Variants in ACCSL observed in about 807,000 individuals in gnomAD.
The protein encoded by ACCSL is 1-aminocyclopropane-1-carboxylate synthase homolog (inactive) like.
In ACCSL, 55 loss-of-function variants were observed where a neutral mutation model predicts 61.7. That is an observed-to-expected ratio of 0.89 (90% CI 0.72 to 1.12). The LOEUF (loss-of-function observed/expected upper bound fraction) is 1.12. ACCSL is among the 50% of genes most tolerant of loss of function. The pLI, the probability that ACCSL is intolerant of heterozygous loss-of-function variation, is 0.00. For synonymous variants in ACCSL, 258 were observed against 264.3 expected, an observed-to-expected ratio of 0.98 and a Z score of 0.23; for missense variants, 632 against 698.0, an observed-to-expected ratio of 0.91 and a Z score of 1.07.
At chr11:43,985,093 G>A in the ACCSL span, among the ~76,000 whole-genome samples, 1 of 152,214 alleles carries the variant, frequency 6.6e-6, no homozygotes, top group South Asian at 2.1e-4. Context: ...GAGAGGCAGG[G>A]TGGCAGGAGA....
the ACCSL span, among the ~76,000 whole-genome samples, chr11:44,029,551 C>T: frequency 6.6e-6 from 1 of 152,208 alleles, no homozygotes; most frequent in African/African-American, 2.4e-5. Flanking sequence ...GCAGCTCATG[C>T]AGTGAGGTGG....
intron 5 of ACCSL, among the ~76,000 whole-genome samples, chr11:44,051,991 G>A (rs1202826676): frequency 2.6e-5 from 4 of 152,192 alleles, no homozygotes; most frequent in Admixed American, 1.3e-4. Flanking sequence ...GTTCATGGCT[G>A]GGCTTTTGGG....
At chr11:43,952,611 G>A in the ACCSL span, among the ~76,000 whole-genome samples, 3 of 152,034 alleles carry the variant, frequency 2.0e-5, no homozygotes, top group Non-Finnish European at 2.9e-5. Context: ...GTCACATACC[G>A]CCTGCTTGCT....
chr11:44,018,147 G>A, the ACCSL span, among the ~76,000 whole-genome samples: 24 of 151,962 alleles, frequency 1.6e-4, no homozygotes, highest in African/African-American at 5.6e-4. Flanking sequence ...AGCCCCAGTG[G>A]GGGAAGGAAC....
the ACCSL span, among the ~76,000 whole-genome samples, chr11:44,011,404 C>T: frequency 6.6e-5 from 10 of 152,168 alleles, no homozygotes; most frequent in Admixed American, 3.9e-4. Flanking sequence ...GGAGGGACTG[C>T]GTCTGTTTTT....
the ACCSL span, among the ~76,000 whole-genome samples, chr11:43,935,870 C>A: frequency 5.3e-5 from 8 of 152,134 alleles, no homozygotes; most frequent in East Asian, 1.5e-3. Flanking sequence ...TCCTACATCC[C>A]TTTTAAGGGC....
chr11:44,015,557 T>C, the ACCSL span, among the ~76,000 whole-genome samples: 1 of 152,156 alleles, frequency 6.6e-6, no homozygotes, highest in Non-Finnish European at 1.5e-5. Context: ...AGAAGCAACT[T>C]TACTCCTTGA....
rs750068165 is a variant in ACCSL at position 44,058,577 on chromosome 11, G to A, written c.1502G>A (p.Arg501Gln). Residue 501 changes from arginine to glutamine, a missense_variant, in exon 13 of 14, where the codon CGG (arginine) becomes CAG (glutamine). By Grantham distance (43) the Arg-to-Gln change is conservative. Coordinates refer to ENST00000378832, the MANE Select transcript of ACCSL (RefSeq NM_001031854.2). ...YLDPCTFEEERLLYCRFLDNK... is the reference protein window; with the variant it reads ...YLDPCTFEEEQLLYCRFLDNK... ...GATCCCTGTACATTTGAAGAAGAAC[G>A]GCTCCTCTATTGCCGCTTCCTGGAC... is the stretch of plus-strand genomic sequence containing the variant. 4.3e-6 allele frequency: 7 copies of A among 1,613,882 alleles called. No homozygotes were observed. The highest frequency in any genetic ancestry group is 1.3e-5 in the African/African-American group (1 of 74,888).
At position 44,056,306 on chromosome 11, in the gene ACCSL, G is replaced by C. The variant is rs1952671421; in HGVS notation, c.1307G>C (p.Cys436Ser). The part of the protein sequence containing the change: ...SISGITQHKL[C>S]QLLQNTEWID... Reference sequence around the variant, plus strand: ...TCTGGCATCACCCAGCACAAGCTGTGTCAACTGCTCCAGAACACAGGTACT... The same window carrying C: ...TCTGGCATCACCCAGCACAAGCTGTCTCAACTGCTCCAGAACACAGGTACT... Residue 436 changes from cysteine (C) to serine (S), a missense_variant, in exon 11 of 14, where the codon TGT becomes TCT. Transcript: ENST00000378832. 2 of 1,613,856 alleles carry C rather than the reference G, an allele frequency of 1.2e-6. No homozygotes were observed. The highest frequency in any genetic ancestry group is 2.7e-5 in the African/African-American group (2 of 74,956).
the ACCSL span, among the ~76,000 whole-genome samples, chr11:44,020,352 T>C: frequency 3.3e-5 from 5 of 152,348 alleles, no homozygotes; most frequent in Middle Eastern, 3.4e-3. Flanking sequence ...GACTAGACTA[T>C]CCAGTACAAT....
chr11:43,978,384 A>T, the ACCSL span, among the ~76,000 whole-genome samples: 1 of 152,176 alleles, frequency 6.6e-6, no homozygotes, highest in Non-Finnish European at 1.5e-5. Flanking sequence ...GGCACTCCTG[A>T]AAAGTAATTA....
chr11:44,050,161 AG>A, intron 2 of ACCSL, 40 bp downstream of exon 2: 1 of 1,553,030 alleles, frequency 6.4e-7, no homozygotes, highest in South Asian at 1.1e-5. Flanking sequence ...CACCCCTTCA[AG>A]GCTTAGTCCC....
At chr11:43,943,175 C>A in the ACCSL span, 1 of 1,507,146 alleles carries the variant, frequency 6.6e-7, no homozygotes, top group Non-Finnish European at 8.9e-7. The surrounding 1 kb of genome is among the most constrained non-coding windows in gnomAD (Gnocchi z 4.8). Context: ...GGAGTGCCTG[C>A]GCCGCAGCAC....
chr11:43,964,170 C>T, the ACCSL span, among the ~76,000 whole-genome samples: 15 of 152,156 alleles, frequency 9.9e-5, no homozygotes, highest in Admixed American at 3.9e-4. Context: ...TGTGGCCAGG[C>T]GCGGTGGCTC....
the ACCSL span, among the ~76,000 whole-genome samples, chr11:43,951,100 A>G: frequency 6.6e-6 from 1 of 152,234 alleles, no homozygotes; most frequent in Admixed American, 6.5e-5. Flanking sequence ...CCAAGCCCAT[A>G]GCACTAAGAA....
At chr11:43,921,651 A>G in the ACCSL span, among the ~76,000 whole-genome samples, 3 of 152,182 alleles carry the variant, frequency 2.0e-5, no homozygotes, top group African/African-American at 7.2e-5. Context: ...CAAGTCTTCC[A>G]GCGTCCCTCT....
At chr11:44,039,095 G>A in the ACCSL span, among the ~76,000 whole-genome samples, 1 of 152,158 alleles carries the variant, frequency 6.6e-6, no homozygotes, top group Non-Finnish European at 1.5e-5. Flanking sequence ...ATTGTTTTTA[G>A]TTTTGTTTTT....
the ACCSL span, among the ~76,000 whole-genome samples, chr11:43,955,784 T>G: frequency 2.0e-5 from 3 of 152,044 alleles, no homozygotes; most frequent in African/African-American, 7.2e-5. Context: ...GAATAATGGC[T>G]GACAATTTTT....
At chr11:44,002,194 G>A in the ACCSL span, among the ~76,000 whole-genome samples, 12 of 152,204 alleles carry the variant, frequency 7.9e-5, 1 homozygote, top group East Asian at 9.7e-4. Flanking sequence ...CCAGACCACC[G>A]GAAAGGGCCA....
Sources: allele counts gnomAD v4.1 joint callset (sites outside exome capture counted in the v4.1 genomes callset), GRCh38; gene constraint gnomAD v4.1.1; non-coding constraint Gnocchi (gnomAD v3.1); transcripts MANE v1.5; gene names NCBI Gene and HGNC (gene_info 2026-07-23, HGNC 2026-07-21).